The following ITFG1 variants were observed in gnomAD, a reference collection of about 807,000 sequenced individuals.
ITFG1 encodes the protein T-cell immunomodulatory protein.
Under a neutral mutation model 81.8 loss-of-function variants are expected in ITFG1, and 34 were observed. The ratio of observed to expected loss-of-function variants is 0.42; its 90% CI spans 0.32 to 0.55. The LOEUF is 0.55. ITFG1 is among the 20% of genes least tolerant of loss of function. The pLI is 0.17. For synonymous variants in ITFG1, 285 were observed against 270.6 expected (o/e 1.05, Z -0.52); for missense variants, 672 against 755.4 (o/e 0.89, Z 1.29).
At chr16:47,400,201 G>T (rs2151598951) in intron 6 of ITFG1, among the ~76,000 whole-genome samples, 1 of 152,280 alleles carries the variant, frequency 6.6e-6, no homozygotes, top group South Asian at 2.1e-4. Flanking sequence ...TGGCTTGCTT[G>T]TACTTTCCTT....
At chr16:47,381,195 A>G (rs1968391748) in intron 6 of ITFG1, among the ~76,000 whole-genome samples, 1 of 152,232 alleles carries the variant, frequency 6.6e-6, no homozygotes, top group African/African-American at 2.4e-5. Context: ...GGAAGTCTAA[A>G]TGAACTAAAT....
chr16:47,236,197 C>T (rs577688441), intron 13 of ITFG1, among the ~76,000 whole-genome samples: 38 of 152,246 alleles, frequency 2.5e-4, no homozygotes, highest in African/African-American at 8.9e-4. Flanking sequence ...CCTACCTGGC[C>T]AGGTGTGGTG....
At chr16:47,398,329 C>T (rs1230038170) in intron 6 of ITFG1, among the ~76,000 whole-genome samples, 5 of 152,160 alleles carry the variant, frequency 3.3e-5, no homozygotes, top group Non-Finnish European at 7.3e-5. Flanking sequence ...TATCTGGATT[C>T]CTCCTGAAAA....
intron 14 of ITFG1, among the ~76,000 whole-genome samples, chr16:47,164,995 T>C (rs1964871167): frequency 6.6e-6 from 1 of 152,254 alleles, no homozygotes; most frequent in South Asian, 2.1e-4. Flanking sequence ...TTCTGTGGCT[T>C]TGGTTAATTT....
chr16:47,215,340 C>T (rs1965612726), intron 14 of ITFG1, among the ~76,000 whole-genome samples: 1 of 152,014 alleles, frequency 6.6e-6, no homozygotes, highest in Non-Finnish European at 1.5e-5. Context: ...GATGGCACTC[C>T]CTCAGTCAAT....
intron 14 of ITFG1, among the ~76,000 whole-genome samples, chr16:47,211,579 G>A (rs906572490): frequency 3.3e-5 from 5 of 152,188 alleles, no homozygotes; most frequent in Admixed American, 1.3e-4. Context: ...CGATATCCTT[G>A]CTTAGTTCCT....
At position 47,181,435 on chromosome 16, in the gene ITFG1, C is replaced by A. The variant is rs1252130715; in HGVS notation, c.1454-18771G>T. 7.2e-4 allele frequency among the ~76,000 whole-genome samples: 105 copies of A among 145,470 alleles called. 1 individual carries two copies. The Middle Eastern group carries it at 0.018, about 25-fold the overall frequency. On this transcript the variant is annotated intron_variant, in intron 14 of 17. Transcript: ENST00000320640. ...AGCCCCCCCGCCCGGCCAGCCGCCC[C>A]GTCCGGGAGGGAGGTGGGGGGGGTC...
chr16:47,319,956 C>G (rs1967423614), intron 8 of ITFG1, among the ~76,000 whole-genome samples: 2 of 152,210 alleles, frequency 1.3e-5, no homozygotes, highest in Admixed American at 1.3e-4. Flanking sequence ...GAGTCTCACT[C>G]TGTCACCCAG....
intron 8 of ITFG1, chr16:47,317,516 C>T (rs1391745312): frequency 6.6e-6 from 1 of 152,190 alleles, no homozygotes; most frequent in South Asian, 2.1e-4. Flanking sequence ...GATTACCTTT[C>T]CAACTTTGTT....
chr16:47,165,292 G>C (rs1239293040), intron 14 of ITFG1, among the ~76,000 whole-genome samples: 1 of 152,104 alleles, frequency 6.6e-6, no homozygotes, highest in Non-Finnish European at 1.5e-5. Context: ...TGCAATCACT[G>C]GAAAGTATAT....
chr16:47,453,529 G>T (rs773297462), intron 3 of ITFG1, among the ~76,000 whole-genome samples: 5 of 152,214 alleles, frequency 3.3e-5, no homozygotes, highest in Non-Finnish European at 5.9e-5. Context: ...ATGAGGTAAA[G>T]GCTGTTTCTC....
At chr16:47,410,577 A>T (rs1259044877) in intron 6 of ITFG1, among the ~76,000 whole-genome samples, 1 of 152,058 alleles carries the variant, frequency 6.6e-6, no homozygotes, top group Non-Finnish European at 1.5e-5. Context: ...GACGCAGACA[A>T]CAGGTCTGAA....
chr16:47,456,925 A>G (rs996609128), intron 2 of ITFG1, among the ~76,000 whole-genome samples: 1 of 152,208 alleles, frequency 6.6e-6, no homozygotes, highest in South Asian at 2.1e-4. Flanking sequence ...AATGCAGGAT[A>G]GGTATATGGC....
chr16:47,365,474 A>G (rs1206890429), intron 8 of ITFG1: 1 of 251,050 alleles, frequency 4.0e-6, no homozygotes, highest in African/African-American at 2.2e-5. Flanking sequence ...TATGTTGTAT[A>G]TACGTGAAGA....
intron 5 of ITFG1, among the ~76,000 whole-genome samples, chr16:47,442,995 C>A (rs1416287336): frequency 6.6e-6 from 1 of 152,056 alleles, no homozygotes; most frequent in Non-Finnish European, 1.5e-5. Flanking sequence ...TTTTTGCAAC[C>A]TACTCATGTG....
chr16:47,310,199 A>G (rs1293421867), intron 10 of ITFG1, among the ~76,000 whole-genome samples: 1 of 152,234 alleles, frequency 6.6e-6, no homozygotes, highest in Non-Finnish European at 1.5e-5. Flanking sequence ...TTCTATAAAT[A>G]GTTTAGGGAC....
At chr16:47,383,121 A>G (rs1376087609) in intron 6 of ITFG1, among the ~76,000 whole-genome samples, 1 of 152,312 alleles carries the variant, frequency 6.6e-6, no homozygotes, top group South Asian at 2.1e-4. Flanking sequence ...ATGGGTTAAT[A>G]GACATTAATA....
intron 14 of ITFG1, among the ~76,000 whole-genome samples, chr16:47,170,456 G>GTCTT: frequency 6.6e-6 from 1 of 150,870 alleles, no homozygotes; most frequent in Non-Finnish European, 1.5e-5. Flanking sequence ...TGAGACAAGA[G>GTCTT]TCTTGCTCTG....
At chr16:47,316,528 C>T (rs1333681913) in intron 8 of ITFG1, among the ~76,000 whole-genome samples, 2 of 152,258 alleles carry the variant, frequency 1.3e-5, no homozygotes, top group South Asian at 2.1e-4. Flanking sequence ...ACAAACAATG[C>T]ATTTATCCAA....
Sources: allele counts gnomAD v4.1 joint callset (sites outside exome capture counted in the v4.1 genomes callset), GRCh38; gene constraint gnomAD v4.1.1; transcripts MANE v1.5; gene names NCBI Gene and HGNC (gene_info 2026-07-23, HGNC 2026-07-21).